Variants in CRYM observed in about 807,000 individuals in gnomAD.
CRYM encodes ketimine reductase mu-crystallin.
In CRYM, 18 loss-of-function variants were observed where a neutral mutation model predicts 32.9. That is an observed-to-expected ratio of 0.55 (90% CI 0.38 to 0.81). The LOEUF is 0.81. CRYM is among the 30% of genes least tolerant of loss of function. The pLI is 0.00. For synonymous variants in CRYM, 153 were observed against 152.4 expected (o/e 1.00, Z -0.03); for missense variants, 337 against 393.5 (o/e 0.86, Z 1.21).
At chr16:21,302,292 A>G (rs527394751) in intron 1 of CRYM, among the ~76,000 whole-genome samples, 44 of 152,326 alleles carry the variant, frequency 2.9e-4, no homozygotes, top group African/African-American at 9.9e-4. Flanking sequence ...AAATAACTAT[A>G]AGAGGAAAGG....
At chr16:21,269,122 C>T (rs554784882) in intron 4 of CRYM, among the ~76,000 whole-genome samples, 4 of 135,684 alleles carry the variant, frequency 2.9e-5, no homozygotes, top group Admixed American at 1.7e-4. Flanking sequence ...CCAGCCTGGG[C>T]GACAGCGCGA....
chr16:21,264,111 G>A (rs958101733), intron 5 of CRYM, among the ~76,000 whole-genome samples: 16 of 152,064 alleles, frequency 1.1e-4, no homozygotes, highest in African/African-American at 3.6e-4. Flanking sequence ...TTCCACTGCC[G>A]CCCCGTTTTC....
upstream of CRYM, among the ~76,000 whole-genome samples, chr16:21,281,392 T>A (rs2093397982): frequency 6.6e-6 from 1 of 151,742 alleles, no homozygotes. Flanking sequence ...CCCCGGCTAA[T>A]TTTTGTACTT....
intron 1 of CRYM, among the ~76,000 whole-genome samples, chr16:21,296,280 G>T (rs1234557759): frequency 1.3e-5 from 2 of 152,126 alleles, no homozygotes; most frequent in African/African-American, 4.8e-5. Flanking sequence ...TACTTTTCAA[G>T]AGCTAATAGT....
chr16:21,282,432 T>G (rs2093399801), upstream of CRYM, among the ~76,000 whole-genome samples: 2 of 148,352 alleles, frequency 1.3e-5, no homozygotes, highest in Admixed American at 1.4e-4. Context: ...AATTGTGTGG[T>G]TTTTTTTTTA....
At chr16:21,261,454 A>AG in intron 6 of CRYM, 116 bp from the exon 7 acceptor site, 1 of 731,540 alleles carries the variant, frequency 1.4e-6, no homozygotes, top group Non-Finnish European at 2.4e-6. Flanking sequence ...GATTAAAAAA[A>AG]AAAAAAAAAA....
At chr16:21,272,552 T>C (rs1407473353) in intron 3 of CRYM, among the ~76,000 whole-genome samples, 1 of 152,152 alleles carries the variant, frequency 6.6e-6, no homozygotes, top group Non-Finnish European at 1.5e-5. Flanking sequence ...TCAGCTCAAA[T>C]ATCCCCTACA....
chr16:21,277,359 C>T lies in CRYM; in HGVS notation c.324+72G>A, dbSNP rs1567235623. 9.1e-6 allele frequency: 14 copies of T among 1,545,508 alleles called. No homozygotes were observed. The highest frequency in any genetic ancestry group is 1.1e-5 in the Non-Finnish European group (12 of 1,131,202). On this transcript the variant is annotated intron_variant, in intron 2 of 7. Coordinates refer to ENST00000572914, the MANE Select transcript of CRYM (RefSeq NM_001376256.1). The surrounding 1 kb of genome is among the most constrained non-coding windows in gnomAD (Gnocchi z 4.2). ...GTCACAATCAAGACTCCCCCTGCTGCGGAGAACTTACTTTTGAGCTTCAAT... is the reference window on the plus strand; with the variant it reads ...GTCACAATCAAGACTCCCCCTGCTGTGGAGAACTTACTTTTGAGCTTCAAT...
At chr16:21,286,380 G>C (rs2152864339) in intron 1 of CRYM, among the ~76,000 whole-genome samples, 1 of 151,054 alleles carries the variant, frequency 6.6e-6, no homozygotes, top group Admixed American at 6.6e-5. Flanking sequence ...ACCACGCCCA[G>C]CTAATTTTTT....
chr16:21,269,143 CAAAAAAA>C (rs35798113), intron 4 of CRYM, among the ~76,000 whole-genome samples: 5 of 78,484 alleles, frequency 6.4e-5, no homozygotes, highest in South Asian at 4.9e-4. Context: ...GACTCCATTT[CAAAAAAA>C]AAAAAAAAAA....
intron 3 of CRYM, among the ~76,000 whole-genome samples, chr16:21,273,310 C>T (rs1010977202): frequency 6.6e-6 from 1 of 152,164 alleles, no homozygotes; most frequent in Non-Finnish European, 1.5e-5. Context: ...ACTCTCAAGG[C>T]AACAAGTAAA....
chr16:21,269,797 A>G lies in CRYM; in HGVS notation c.482T>C (p.Phe161Ser). ...HYEIFTEQFS[F>S]KEVRIWNRTK... ...CCCCACCCCTGGACTTACCTCCTTAAAGGAGAACTGCTCTGTGAAGATCTC... is the reference window on the plus strand; with the variant it reads ...CCCCACCCCTGGACTTACCTCCTTAGAGGAGAACTGCTCTGTGAAGATCTC... Residue 161 changes from phenylalanine to serine, a missense_variant, in exon 4 of 8, where the codon TTT becomes TCT. By Grantham distance (155) the Phe-to-Ser change is radical (BLOSUM62 -2). Transcript: ENST00000572914. 6.3e-7 allele frequency: 1 copy of G among 1,594,244 alleles called. No individual in the cohort carries two copies. The highest frequency in any genetic ancestry group is 2.3e-5 in the East Asian group (1 of 43,994).
chr16:21,290,192 C>T (rs149097717), intron 1 of CRYM, among the ~76,000 whole-genome samples: 38 of 152,290 alleles, frequency 2.5e-4, no homozygotes, highest in African/African-American at 8.2e-4. Context: ...TTTTCTTTTG[C>T]TGTTCACAAT....
upstream of CRYM, chr16:21,278,314 C>A: frequency 6.5e-7 from 1 of 1,531,246 alleles, no homozygotes; most frequent in Non-Finnish European, 8.8e-7. Context: ...TCGGCTGTGC[C>A]CTTTATGAGC....
intron 5 of CRYM, among the ~76,000 whole-genome samples, chr16:21,266,815 G>A (rs1300925058): frequency 6.6e-6 from 1 of 151,940 alleles, no homozygotes; most frequent in African/African-American, 2.4e-5. Context: ...GACCAGCCTG[G>A]CCAACATGGT....
upstream of CRYM, among the ~76,000 whole-genome samples, chr16:21,279,662 CAG>C (rs1299695230): frequency 6.6e-6 from 1 of 152,288 alleles, no homozygotes; most frequent in East Asian, 1.9e-4. Context: ...AAGGATGGAA[CAG>C]ATGAGCGAGA....
intron 1 of CRYM, among the ~76,000 whole-genome samples, chr16:21,297,292 G>A (rs1597633008): frequency 6.6e-6 from 1 of 152,232 alleles, no homozygotes; most frequent in Non-Finnish European, 1.5e-5. Flanking sequence ...TACTCGGGAG[G>A]CTGAGGCATG....
At chr16:21,285,805 T>C (rs2093406267) in intron 1 of CRYM, among the ~76,000 whole-genome samples, 1 of 152,250 alleles carries the variant, frequency 6.6e-6, no homozygotes, top group African/African-American at 2.4e-5. Flanking sequence ...TTACCCAATT[T>C]TTGTAAGCTA....
chr16:21,284,219 T>A (rs182883145), intron 1 of CRYM: 29 of 152,238 alleles, frequency 1.9e-4, no homozygotes, highest in Admixed American at 1.2e-3. Flanking sequence ...CTAGTCTGAC[T>A]TGAGGCAACG....
Sources: allele counts gnomAD v4.1 joint callset (sites outside exome capture counted in the v4.1 genomes callset), GRCh38; gene constraint gnomAD v4.1.1; non-coding constraint Gnocchi (gnomAD v3.1); transcripts MANE v1.5; gene names NCBI Gene and HGNC (gene_info 2026-07-23, HGNC 2026-07-21).